The following QTMAN variants were observed in gnomAD, a reference collection of about 807,000 sequenced individuals.
The protein encoded by QTMAN is tRNA-queuosine alpha-mannosyltransferase.
the QTMAN span, among the ~76,000 whole-genome samples, chr2:144,303,108 A>T: frequency 6.6e-6 from 1 of 151,532 alleles, no homozygotes; most frequent in Non-Finnish European, 1.5e-5. Context: ...ACTCATCTCC[A>T]AAAAAAAAGA....
the QTMAN span, among the ~76,000 whole-genome samples, chr2:144,133,156 A>ATAT: frequency 4.1e-5 from 2 of 49,136 alleles, no homozygotes; most frequent in African/African-American, 1.7e-4. Context: ...TATATAATAT[A>ATAT]ATATAATATA....
the QTMAN span, among the ~76,000 whole-genome samples, chr2:143,956,340 A>G: frequency 6.6e-6 from 1 of 151,808 alleles, no homozygotes; most frequent in African/African-American, 2.4e-5. Context: ...GCTTTGACTC[A>G]ATGATGCATG....
At chr2:144,060,646 T>G in the QTMAN span, among the ~76,000 whole-genome samples, 1 of 152,226 alleles carries the variant, frequency 6.6e-6, no homozygotes, top group Non-Finnish European at 1.5e-5. Flanking sequence ...AACCAAAATT[T>G]GTAGTCTCCT....
chr2:144,071,135 A>G, the QTMAN span, among the ~76,000 whole-genome samples: 1 of 152,012 alleles, frequency 6.6e-6, no homozygotes, highest in Non-Finnish European at 1.5e-5. Context: ...CAAATAAAAC[A>G]TTGTTAAAAG....
chr2:144,277,209 CTTT>C, the QTMAN span, among the ~76,000 whole-genome samples: 1,335 of 151,928 alleles, frequency 8.8e-3, 14 homozygotes, highest in African/African-American at 0.03. Flanking sequence ...TTTATTTTTA[CTTT>C]TTTTAATGTG....
chr2:144,164,360 A>C, the QTMAN span, among the ~76,000 whole-genome samples: 1 of 152,092 alleles, frequency 6.6e-6, no homozygotes, highest in South Asian at 2.1e-4. Flanking sequence ...TGCTTGGTAC[A>C]TTGTAGGCAT....
the QTMAN span, among the ~76,000 whole-genome samples, chr2:144,275,623 A>G: frequency 6.6e-6 from 1 of 152,114 alleles, no homozygotes; most frequent in Non-Finnish European, 1.5e-5. Flanking sequence ...GCCCTCATCT[A>G]TGAAACAGCA....
the QTMAN span, among the ~76,000 whole-genome samples, chr2:144,265,859 C>A: frequency 6.6e-6 from 1 of 152,144 alleles, no homozygotes; most frequent in East Asian, 1.9e-4. Flanking sequence ...AACCTAGGCA[C>A]ACCACCCTCT....
the QTMAN span, among the ~76,000 whole-genome samples, chr2:143,973,361 A>G: frequency 6.6e-6 from 1 of 152,214 alleles, no homozygotes; most frequent in Non-Finnish European, 1.5e-5. Context: ...TATTACTTAT[A>G]GTATGCTTTT....
At chr2:144,007,222 T>C in the QTMAN span, 4 of 1,609,258 alleles carry the variant, frequency 2.5e-6, no homozygotes, top group African/African-American at 4.0e-5. Context: ...CTTTGCTGAT[T>C]ATCAACTCCA....
chr2:144,025,473 G>A, the QTMAN span, among the ~76,000 whole-genome samples: 1 of 152,202 alleles, frequency 6.6e-6, no homozygotes, highest in East Asian at 1.9e-4. Context: ...CCGTTTGTAA[G>A]GAAGAAGATG....
chr2:144,177,220 G>A, the QTMAN span: 6 of 696,170 alleles, frequency 8.6e-6, no homozygotes, highest in African/African-American at 5.4e-5. Context: ...GTCAACATGT[G>A]AAGACATCAA....
At chr2:144,227,211 T>C in the QTMAN span, among the ~76,000 whole-genome samples, 1 of 152,294 alleles carries the variant, frequency 6.6e-6, no homozygotes, top group Non-Finnish European at 1.5e-5. Context: ...AAATTCCGAT[T>C]GCCTATTTCT....
chr2:144,191,948 G>T, the QTMAN span, among the ~76,000 whole-genome samples: 70 of 152,160 alleles, frequency 4.6e-4, no homozygotes, highest in Middle Eastern at 6.8e-3. Context: ...GTTTTGCAAT[G>T]ACAAACGTAA....
the QTMAN span, among the ~76,000 whole-genome samples, chr2:144,195,458 GA>G: frequency 6.6e-6 from 1 of 151,862 alleles, no homozygotes; most frequent in East Asian, 1.9e-4. Flanking sequence ...TTTTTCCATG[GA>G]AAAAATAAAG....
the QTMAN span, among the ~76,000 whole-genome samples, chr2:144,121,024 A>G: frequency 1.3e-5 from 2 of 152,158 alleles, no homozygotes; most frequent in Admixed American, 1.3e-4. Flanking sequence ...CAATCATTTA[A>G]AGGGAACAGC....
chr2:143,948,894 T>C, the QTMAN span, among the ~76,000 whole-genome samples: 1 of 152,112 alleles, frequency 6.6e-6, no homozygotes, highest in Non-Finnish European at 1.5e-5. Context: ...TTTATCTCTG[T>C]GAGAAGTATG....
At chr2:144,326,160 C>G in the QTMAN span, among the ~76,000 whole-genome samples, 1 of 152,192 alleles carries the variant, frequency 6.6e-6, no homozygotes, top group East Asian at 1.9e-4. Context: ...ACATATTAAT[C>G]AAATTCATGA....
the QTMAN span, among the ~76,000 whole-genome samples, chr2:144,038,102 G>A: frequency 6.6e-6 from 1 of 152,212 alleles, no homozygotes; most frequent in Non-Finnish European, 1.5e-5. Flanking sequence ...GGCTATGCCT[G>A]TCAGGGCAAG....
Sources: gnomAD v4.1 joint callset for allele counts (sites outside exome capture counted in the v4.1 genomes callset) on GRCh38, gnomAD v4.1.1 for gene constraint, MANE v1.5 for transcripts, NCBI Gene and HGNC (gene_info 2026-07-23, HGNC 2026-07-21) for gene names.